The following MYO16 variants were observed in gnomAD, a reference collection of about 807,000 sequenced individuals.
MYO16 encodes the protein myosin XVI, also known as unconventional myosin-XVI.
MYO16 carries 94 observed loss-of-function variants against 205.3 expected under a neutral mutation model. The ratio of observed to expected loss-of-function variants is 0.46; its 90% CI spans 0.39 to 0.54. The LOEUF is 0.54. MYO16 is among the 20% of genes least tolerant of loss of function. The probability of loss-of-function intolerance (pLI) is 0.00; values close to 1 mark genes in which losing one functional copy is unlikely to be tolerated. For synonymous variants in MYO16, 988 were observed against 954.0 expected (o/e 1.04, Z -0.66); for missense variants, 2,315 against 2,387.5 (o/e 0.97, Z 0.63).
chr13:109,053,182 G>C (rs1415883633), intron 25 of MYO16, among the ~76,000 whole-genome samples: 1 of 152,072 alleles, frequency 6.6e-6, no homozygotes, highest in Non-Finnish European at 1.5e-5. Context: ...ATTTGGGAAG[G>C]TGTTCAGGAC....
chr13:109,166,878 C>T (rs186149363), intron 33 of MYO16: 112 of 152,336 alleles, frequency 7.4e-4, no homozygotes, highest in African/African-American at 2.4e-3. Flanking sequence ...TTCATAGTTT[C>T]TGTGGGCCAG....
chr13:109,060,765 A>G (rs1887568209), intron 27 of MYO16, among the ~76,000 whole-genome samples: 1 of 152,122 alleles, frequency 6.6e-6, no homozygotes, highest in African/African-American at 2.4e-5. Context: ...GGAATTGCAA[A>G]TGATAATTGG....
rs140862286 is a variant in MYO16 at position 109,139,053 on chromosome 13, C to T, written c.4052-1211C>T. Among the ~76,000 whole-genome samples the T allele has an allele frequency of 2.4e-3, 359 of 152,194 alleles. 2 individuals carry two copies. Among genetic ancestry groups the T allele is most frequent in the African/African-American group, 7.2e-3 (297 of 41,526 alleles). On this transcript the variant is annotated intron_variant, in intron 31 of 34. Transcript: ENST00000457511. ...CAGGCTGGTCTCAAACTCCTGACCT[C>T]AAGTGATCTGCCCACCTCAGCCTCC...
chr13:108,743,274 G>C (rs547501244), intron 4 of MYO16, among the ~76,000 whole-genome samples: 1 of 152,014 alleles, frequency 6.6e-6, no homozygotes, highest in Non-Finnish European at 1.5e-5. Flanking sequence ...ATTTGGGGTG[G>C]AAGTAATTTG....
At chr13:108,662,049 T>G (rs760833616) in intron 1 of MYO16, among the ~76,000 whole-genome samples, 1 of 152,220 alleles carries the variant, frequency 6.6e-6, no homozygotes, top group Non-Finnish European at 1.5e-5. Flanking sequence ...GTGATTGTTG[T>G]CTCTCTTCTG....
intron 15 of MYO16, among the ~76,000 whole-genome samples, chr13:108,901,698 C>T (rs57866258): frequency 0.063 from 9,516 of 152,194 alleles, 999 homozygotes; most frequent in African/African-American, 0.22. Flanking sequence ...TAGTTCTTAT[C>T]ACTTGTATTT....
intron 6 of MYO16, among the ~76,000 whole-genome samples, chr13:108,804,285 AATT>A (rs1887049194): frequency 6.6e-6 from 1 of 152,170 alleles, no homozygotes; most frequent in Non-Finnish European, 1.5e-5. Flanking sequence ...TCCAAATTGT[AATT>A]TTTCGTGGGA....
chr13:108,942,654 C>A (rs1476759381), intron 16 of MYO16, among the ~76,000 whole-genome samples: 1 of 152,040 alleles, frequency 6.6e-6, no homozygotes, highest in Admixed American at 6.6e-5. Context: ...AGATCTGTTC[C>A]CTTGGCTGAT....
chr13:108,691,825 T>A (rs575456355), intron 2 of MYO16, among the ~76,000 whole-genome samples: 2 of 152,290 alleles, frequency 1.3e-5, no homozygotes, highest in African/African-American at 4.8e-5. Context: ...ACTAAGTTGA[T>A]GATATATTTG....
chr13:108,665,962 T>G lies in MYO16; in HGVS notation c.105T>G (p.Leu35=). 6.2e-7 allele frequency: 1 copy of G among 1,614,134 alleles called. No individual in the cohort carries two copies. Among genetic ancestry groups the G allele is most frequent in the Non-Finnish European group, 8.5e-7 (1 of 1,179,986 alleles). Residue 35 remains leucine, a synonymous_variant, in exon 2 of 35, where the codon CTT becomes CTG. Transcript: ENST00000457511. ...AGTGCTTGCTAGAGTCCCTTCCCCT[T>G]GGCCAACGGCAGCGTCTAGTGAAGC... ...IDQCLLESLP[L]GQRQRLVKRM... is the part of the protein sequence containing the mutation.
intron 34 of MYO16, among the ~76,000 whole-genome samples, chr13:109,184,014 T>G (rs1566553135): frequency 6.6e-6 from 1 of 152,224 alleles, no homozygotes; most frequent in Non-Finnish European, 1.5e-5. Context: ...CTTCTTTCTA[T>G]ATTCATTGTA....
chr13:108,675,689 A>G (rs1048147808), intron 2 of MYO16, among the ~76,000 whole-genome samples: 7 of 152,140 alleles, frequency 4.6e-5, no homozygotes, highest in African/African-American at 1.7e-4. Flanking sequence ...ACATTTTATG[A>G]GTTTGGTAGG....
chr13:109,143,061 G>C (rs1877175260), intron 32 of MYO16, among the ~76,000 whole-genome samples: 1 of 152,044 alleles, frequency 6.6e-6, no homozygotes, highest in Non-Finnish European at 1.5e-5. Context: ...AAAACTTCAC[G>C]GTGGAGAGGT....
At chr13:108,595,561 G>A (rs778768526), upstream of MYO16, among the ~76,000 whole-genome samples, 24 of 152,320 alleles carry the variant, frequency 1.6e-4, no homozygotes, top group Non-Finnish European at 2.6e-4. Context: ...ACCCCAGGCA[G>A]TCGCTCCCCT....
chr13:108,692,703 G>A (rs1294024067), intron 2 of MYO16, among the ~76,000 whole-genome samples: 1 of 152,176 alleles, frequency 6.6e-6, no homozygotes, highest in Admixed American at 6.5e-5. Flanking sequence ...GCTTAATGGG[G>A]CATATGTCTG....
intron 15 of MYO16, among the ~76,000 whole-genome samples, chr13:108,902,148 G>T (rs564432835): frequency 1.3e-5 from 2 of 152,308 alleles, no homozygotes; most frequent in Admixed American, 6.5e-5. Flanking sequence ...ATAAAGAGCA[G>T]GTCGATGTTT....
intron 1 of MYO16, among the ~76,000 whole-genome samples, chr13:108,607,710 T>A (rs1879012508): frequency 6.6e-6 from 1 of 152,054 alleles, no homozygotes; most frequent in Non-Finnish European, 1.5e-5. Context: ...AGAGGGGTAG[T>A]GTTGGTATAG....
intron 16 of MYO16, among the ~76,000 whole-genome samples, chr13:108,945,175 T>C (rs990750869): frequency 2.6e-5 from 4 of 152,218 alleles, no homozygotes; most frequent in African/African-American, 9.6e-5. Flanking sequence ...ATTAGAATAT[T>C]ACAACTGGAG....
intron 2 of MYO16, 92 bp downstream of exon 2, chr13:108,666,241 C>A: frequency 1.5e-6 from 2 of 1,349,254 alleles, no homozygotes; most frequent in Non-Finnish European, 2.0e-6. Flanking sequence ...AGAGATGGGG[C>A]AGAAAAGTCC....
Sources: allele counts gnomAD v4.1 joint callset (sites outside exome capture counted in the v4.1 genomes callset), GRCh38; gene constraint gnomAD v4.1.1; transcripts MANE v1.5; gene names NCBI Gene and HGNC (gene_info 2026-07-23, HGNC 2026-07-21).